The following JAK1 variants were observed in gnomAD, a reference collection of about 807,000 sequenced individuals.
JAK1 encodes Janus kinase 1, also known as tyrosine-protein kinase JAK1.
A neutral mutation model predicts 136.6 loss-of-function variants in JAK1; 16 were observed. The ratio of observed to expected loss-of-function variants is 0.12; its 90% CI spans 0.08 to 0.18. The LOEUF (loss-of-function observed/expected upper bound fraction) is 0.18, where lower values mean the gene tolerates loss of function less well. JAK1 is among the 10% of genes least tolerant of loss of function. JAK1 has a pLI of 1.00. For synonymous variants in JAK1, 492 were observed against 519.5 expected (o/e 0.95, Z 0.72); for missense variants, 859 against 1,450.1 (o/e 0.59, Z 6.62).
intron 1 of JAK1, among the ~76,000 whole-genome samples, chr1:64,947,147 G>A (rs11208552): frequency 1.3e-5 from 2 of 151,986 alleles, no homozygotes; most frequent in Admixed American, 6.5e-5. Context: ...GTAAAACAAC[G>A]TGAATGTACT....
At position 64,833,721 on chromosome 1, in the gene JAK1, G is replaced by C. The variant is rs1654285915; in HGVS notation, c.*841C>G. The C allele has an allele frequency of 4.3e-6, 1 of 233,078 alleles. No individual in the cohort carries two copies. Among genetic ancestry groups the C allele is most frequent in the East Asian group, 6.0e-5 (1 of 16,584 alleles). 14.4% of individuals were successfully genotyped at this position (233,078 alleles called of 1,614,324 possible). On this transcript the variant is annotated 3_prime_UTR_variant, in exon 25 of 25. Transcript: ENST00000342505. ...CATACAGCATTCAAAACCAGTGCTG[G>C]AATAGCTTGCCCCAAAGTGGTAGAG...
At chr1:65,014,021 C>A (rs1646872350) in intron 2 of JAK1, among the ~76,000 whole-genome samples, 1 of 151,768 alleles carries the variant, frequency 6.6e-6, no homozygotes, top group African/African-American at 2.4e-5. Flanking sequence ...AGATTGAGAG[C>A]AAAACAAAAA....
At chr1:64,958,093 C>G (rs1334349607) in intron 1 of JAK1, among the ~76,000 whole-genome samples, 2 of 152,196 alleles carry the variant, frequency 1.3e-5, no homozygotes, top group East Asian at 1.9e-4. Flanking sequence ...AGGGCAGGAG[C>G]CAAGCCCATC....
intron 2 of JAK1, among the ~76,000 whole-genome samples, chr1:65,036,654 A>T (rs948675599): frequency 6.0e-5 from 9 of 150,618 alleles, no homozygotes; most frequent in African/African-American, 2.2e-4. Context: ...AGTGAGTTCT[A>T]ATTATTCTAC....
At chr1:64,947,690 C>T (rs1162826391) in intron 1 of JAK1, among the ~76,000 whole-genome samples, 2 of 151,186 alleles carry the variant, frequency 1.3e-5, no homozygotes, top group African/African-American at 4.9e-5. Context: ...CACTGAACAA[C>T]AGGTCCCTGA....
At chr1:64,928,475 C>T (rs1645620992) in intron 1 of JAK1, among the ~76,000 whole-genome samples, 1 of 152,098 alleles carries the variant, frequency 6.6e-6, no homozygotes, top group Admixed American at 6.5e-5. Context: ...CATTCATGTG[C>T]CTACACAAAT....
chr1:65,046,305 G>A (rs1323080725), intron 1 of JAK1, among the ~76,000 whole-genome samples: 1 of 152,180 alleles, frequency 6.6e-6, no homozygotes, highest in Non-Finnish European at 1.5e-5. Flanking sequence ...TGCAGGCCCG[G>A]ATGAGGCCCT....
At chr1:64,897,463 G>C (rs1179712739) in intron 1 of JAK1, among the ~76,000 whole-genome samples, 1 of 50,828 alleles carries the variant, frequency 2.0e-5, no homozygotes, top group Non-Finnish European at 4.1e-5. Flanking sequence ...GCAGGAGGAC[G>C]AGGGAGGAGG....
At chr1:64,986,106 A>AT (rs1391781833) in intron 2 of JAK1, 268 of 756,954 alleles carry the variant, frequency 3.5e-4, no homozygotes, top group Admixed American at 5.8e-4. Context: ...CCTCAATCTA[A>AT]TTGTTTTTTT....
At chr1:64,968,796 G>A (rs1276985947), upstream of JAK1, among the ~76,000 whole-genome samples, 1 of 152,170 alleles carries the variant, frequency 6.6e-6, no homozygotes, top group Non-Finnish European at 1.5e-5. Flanking sequence ...GCTGGACGTG[G>A]TGGCGGGAAC....
At chr1:64,966,182 G>T (rs972129966) in intron 1 of JAK1, among the ~76,000 whole-genome samples, 151 bp downstream of exon 1, 4 of 151,774 alleles carry the variant, frequency 2.6e-5, no homozygotes, top group African/African-American at 4.8e-5. Flanking sequence ...CGAGCCGCGG[G>T]GTCCTGAGCT....
chr1:64,855,230 G>A (rs571020848), intron 11 of JAK1, among the ~76,000 whole-genome samples: 1 of 152,328 alleles, frequency 6.6e-6, no homozygotes, highest in Admixed American at 6.5e-5. Flanking sequence ...TTTATCTTAA[G>A]GAAGAAAGAA....
At chr1:64,950,835 C>T (rs1420086974) in intron 1 of JAK1, among the ~76,000 whole-genome samples, 1 of 152,146 alleles carries the variant, frequency 6.6e-6, no homozygotes, top group Non-Finnish European at 1.5e-5. Flanking sequence ...AGTAACAAAT[C>T]CAGCATGATG....
intron 1 of JAK1, among the ~76,000 whole-genome samples, chr1:64,950,237 G>A (rs1254691991): frequency 2.0e-5 from 3 of 151,978 alleles, no homozygotes; most frequent in Admixed American, 1.3e-4. Flanking sequence ...GTGAAACCCC[G>A]TCTCTACTAA....
In JAK1 at chr1:64,860,267, TGAGA is replaced by T; in HGVS notation, c.1177-9_1177-6del. On this transcript the variant is annotated splice_region_variant and splice_polypyrimidine_tract_variant and intron_variant, in intron 8 of 24. Coordinates refer to ENST00000342505, the MANE Select transcript of JAK1 (RefSeq NM_002227.4). ...GTGGGAAGAGAGCTTCAGTTCCTGTTGAGAGAGAAGAAATTCCCACGGTTACATC... is the reference window on the plus strand; with the variant it reads ...GTGGGAAGAGAGCTTCAGTTCCTGTTGAGAAGAAATTCCCACGGTTACATC... 2 of 1,599,634 alleles carry T rather than the reference TGAGA, an allele frequency of 1.3e-6. No individual in the cohort carries two copies. Among genetic ancestry groups the T allele is most frequent in the Non-Finnish European group, 1.7e-6 (2 of 1,171,388 alleles).
chr1:64,852,997 C>G (rs1343524669), intron 11 of JAK1, among the ~76,000 whole-genome samples: 3 of 152,200 alleles, frequency 2.0e-5, no homozygotes, highest in Admixed American at 2.0e-4. Flanking sequence ...AGCCGTCACG[C>G]CCACTCTGAA....
intron 1 of JAK1, among the ~76,000 whole-genome samples, chr1:65,060,240 A>T (rs943769222): frequency 4.6e-5 from 7 of 152,174 alleles, no homozygotes; most frequent in African/African-American, 1.7e-4. Flanking sequence ...AGATACTGTG[A>T]TTATTTTAGA....
intron 4 of JAK1, among the ~76,000 whole-genome samples, chr1:64,877,012 AG>A (rs1644682299): frequency 6.6e-6 from 1 of 152,208 alleles, no homozygotes; most frequent in African/African-American, 2.4e-5. Flanking sequence ...TTTTTTGAAA[AG>A]GAATACAGAA....
intron 2 of JAK1, chr1:64,990,919 C>CAAAAAAAAAAAAAAAAAAAAAAAA: frequency 2.3e-5 from 1 of 44,146 alleles, no homozygotes; most frequent in Admixed American, 2.4e-4. Context: ...GACTCCGTCT[C>CAAAAAAAAAAAAAAAAAAAAAAAA]AAAAAAAAAA....
Sources: allele counts gnomAD v4.1 joint callset (sites outside exome capture counted in the v4.1 genomes callset), GRCh38; gene constraint gnomAD v4.1.1; transcripts MANE v1.5; gene names NCBI Gene and HGNC (gene_info 2026-07-23, HGNC 2026-07-21).